ADI1: variants seen among roughly 807,000 people sequenced by gnomAD.
The protein encoded by ADI1 is acireductone dioxygenase.
In ADI1, 21 loss-of-function variants were observed where a neutral mutation model predicts 18.7. That is an observed-to-expected ratio of 1.13 (90% CI 0.80 to 1.62). The LOEUF (loss-of-function observed/expected upper bound fraction) is 1.62, where lower values mean the gene tolerates loss of function less well. ADI1 is among the 40% of genes most tolerant of loss of function. ADI1 has a pLI of 0.00. For missense variants in ADI1, 245 were observed against 254.9 expected, an observed-to-expected ratio of 0.96 and a Z score of 0.26; for synonymous variants, 90 against 100.1, an observed-to-expected ratio of 0.90 and a Z score of 0.60.
intron 2 of ADI1, among the ~76,000 whole-genome samples, chr2:3,506,263 T>G (rs1667173675): frequency 6.6e-6 from 1 of 152,184 alleles, no homozygotes; most frequent in South Asian, 2.1e-4. Context: ...AAAACTCCCT[T>G]TGCTCGCAGA....
chr2:3,515,447 C>G (rs113098872), intron 1 of ADI1: 1 of 126,192 alleles, frequency 7.9e-6, no homozygotes, highest in African/African-American at 2.5e-5. Flanking sequence ...TCTCTGCTCT[C>G]GAACCCTGTT....
At chr2:3,502,001 C>CCACACACACACACACACA (rs70938947) in intron 2 of ADI1, among the ~76,000 whole-genome samples, 1 of 105,038 alleles carries the variant, frequency 9.5e-6, no homozygotes, top group East Asian at 2.5e-4. Context: ...ACCTCCCGCT[C>CCACACACACACACACACA]CACACACACA....
Position 3,503,235 on chromosome 2 carries a change from CAT to C in ADI1, c.241-2244_241-2243del, listed in dbSNP as rs1558425532. ...CACATGCACACACGTAACACTCTCT[CAT>C]GTGCATTCACACACATGCACACACG... On this transcript the variant is annotated intron_variant, in intron 2 of 3. Coordinates refer to ENST00000327435, the MANE Select transcript of ADI1 (RefSeq NM_018269.4). Among the ~76,000 whole-genome samples the C allele has an allele frequency of 3.7e-5, 5 of 136,174 alleles. 1 individual carries two copies. The highest frequency in any genetic ancestry group is 2.9e-4 in the Admixed American group (4 of 13,806). 89.3% of individuals were successfully genotyped at this position (136,174 alleles called of 152,430 possible). A position where few individuals can be genotyped will look rare whatever the true frequency, so the allele number is the denominator to read the frequency against.
At position 3,498,898 on chromosome 2, in the gene ADI1, A is replaced by G; in HGVS notation, c.*65T>C. 1 of 1,539,588 alleles carries G rather than the reference A, an allele frequency of 6.5e-7. No individual in the cohort carries two copies. Among genetic ancestry groups the G allele is most frequent in the South Asian group, 1.2e-5 (1 of 82,334 alleles). On this transcript the variant is annotated 3_prime_UTR_variant, in exon 4 of 4. Transcript: ENST00000327435. ...TCTAAAAGCAAAGAGAAAGTGATTGATTTTCTGCTCAGTCATTACATTGGG... is the reference window on the plus strand; with the variant it reads ...TCTAAAAGCAAAGAGAAAGTGATTGGTTTTCTGCTCAGTCATTACATTGGG...
chr2:3,512,232 G>A (rs991857012), intron 2 of ADI1, among the ~76,000 whole-genome samples: 3 of 152,234 alleles, frequency 2.0e-5, no homozygotes, highest in Admixed American at 1.3e-4. Flanking sequence ...GAAGCCAAGG[G>A]CTGACAGCCA....
rs114806372 is a variant in ADI1 at position 3,504,672 on chromosome 2, G to A, written c.241-3679C>T. On this transcript the variant is annotated intron_variant, in intron 2 of 3. Coordinates refer to ENST00000327435, the MANE Select transcript of ADI1 (RefSeq NM_018269.4). ...TATCTGGTATTGTCGGTTCACCTGC[G>A]TATGTTTGTATTGTTGGTTCACCTG... Among the ~76,000 whole-genome samples the A allele has an allele frequency of 2.3e-3, 350 of 152,294 alleles. 3 individuals carry two copies. Among genetic ancestry groups the A allele is most frequent in the African/African-American group, 7.6e-3 (315 of 41,552 alleles).
At chr2:3,513,299 T>C (rs987244770) in intron 2 of ADI1, among the ~76,000 whole-genome samples, 11 of 152,160 alleles carry the variant, frequency 7.2e-5, no homozygotes, top group African/African-American at 2.7e-4. Flanking sequence ...TTATTGTATT[T>C]TGAAATTCAA....
intron 2 of ADI1, among the ~76,000 whole-genome samples, chr2:3,509,511 A>AC (rs1461796297): frequency 6.6e-5 from 10 of 152,356 alleles, no homozygotes; most frequent in African/African-American, 2.2e-4. Context: ...TTAGAAACAA[A>AC]TAAAAAAATC....
intron 2 of ADI1, among the ~76,000 whole-genome samples, chr2:3,509,451 C>T (rs781105307): frequency 3.9e-5 from 6 of 151,908 alleles, no homozygotes; most frequent in African/African-American, 9.7e-5. Flanking sequence ...AATATATTTA[C>T]GAAGACTCAA....
chr2:3,503,461 ACT>A (rs1244422918), intron 2 of ADI1, among the ~76,000 whole-genome samples: 7 of 147,252 alleles, frequency 4.8e-5, no homozygotes, highest in African/African-American at 1.6e-4. Flanking sequence ...ACGGACGTAC[ACT>A]CACACGTGTG....
intron 2 of ADI1, among the ~76,000 whole-genome samples, chr2:3,505,876 G>A (rs1437321366): frequency 6.6e-6 from 1 of 152,176 alleles, no homozygotes; most frequent in Non-Finnish European, 1.5e-5. Flanking sequence ...TCCCAAAAGA[G>A]CTTGCTTCTT....
chr2:3,500,520 TGTACCTGCCGCCGCA>T lies in ADI1; in HGVS notation c.420+279_420+293del. 6 of 179,204 alleles carry T rather than the reference TGTACCTGCCGCCGCA, an allele frequency of 3.3e-5. 1 individual carries two copies. The African/African-American group carries it at 1.9e-3, about 58-fold the overall frequency. 11.1% of individuals were successfully genotyped at this position (179,204 alleles called of 1,614,324 possible). ...TGGGGCAGGGCCAGGCTCGTGGGTG[TGTACCTGCCGCCGCA>T]TGTACCTGCCGCCGCCTGTACCTGC... On this transcript the variant is annotated intron_variant, in intron 3 of 3. Coordinates refer to ENST00000327435, the MANE Select transcript of ADI1 (RefSeq NM_018269.4).
intron 1 of ADI1, chr2:3,516,835 C>T (rs1667419719): frequency 1.0e-6 from 1 of 985,176 alleles, no homozygotes; most frequent in Admixed American, 6.1e-5. Flanking sequence ...CAAACATGTC[C>T]ACATGTGTTA....
At chr2:3,510,236 G>A (rs1667270796) in intron 2 of ADI1, among the ~76,000 whole-genome samples, 1 of 151,724 alleles carries the variant, frequency 6.6e-6, no homozygotes, top group African/African-American at 2.4e-5. Flanking sequence ...GACTGCTTAA[G>A]CCTAGGCATT....
At chr2:3,500,724 T>G in intron 3 of ADI1, 90 bp downstream of exon 3, 2 of 1,568,534 alleles carry the variant, frequency 1.3e-6, no homozygotes, top group Non-Finnish European at 8.7e-7. Context: ...GCGCTTGGAG[T>G]CTGCGGAAGC....
intron 2 of ADI1, among the ~76,000 whole-genome samples, chr2:3,505,182 C>G (rs779287228): frequency 2.0e-5 from 3 of 152,232 alleles, no homozygotes; most frequent in Non-Finnish European, 4.4e-5. Context: ...TTAGAAGCCA[C>G]CACTCCATCC....
chr2:3,515,839 T>G, intron 1 of ADI1: 1 of 919,746 alleles, frequency 1.1e-6, no homozygotes, highest in Non-Finnish European at 1.3e-6. Flanking sequence ...ATTTCTCAGC[T>G]GGCCGACACT....
At chr2:3,506,626 T>TA (rs1667183003) in intron 2 of ADI1, among the ~76,000 whole-genome samples, 1 of 152,214 alleles carries the variant, frequency 6.6e-6, no homozygotes, top group Non-Finnish European at 1.5e-5. Flanking sequence ...TTTCCAAACT[T>TA]AATCTATAGG....
intron 2 of ADI1, among the ~76,000 whole-genome samples, chr2:3,513,339 G>A (rs1667329348): frequency 1.3e-5 from 2 of 152,262 alleles, no homozygotes; most frequent in South Asian, 2.1e-4. Context: ...AGGGGCCGGG[G>A]CAGAATAATA....
Sources: gnomAD v4.1 joint callset for allele counts (sites outside exome capture counted in the v4.1 genomes callset) on GRCh38, gnomAD v4.1.1 for gene constraint, MANE v1.5 for transcripts, NCBI Gene and HGNC (gene_info 2026-07-23, HGNC 2026-07-21) for gene names.